Variants in NIPBL observed in about 807,000 individuals in gnomAD.
NIPBL encodes nipped-B-like protein.
In NIPBL, 19 loss-of-function variants were observed where a neutral mutation model predicts 321.8. The observed-to-expected ratio is 0.06, with a 90% CI of 0.04 to 0.09. NIPBL has a LOEUF of 0.09. Among genes scored for constraint, NIPBL ranks in the 10% least tolerant of loss-of-function variants. The pLI, the probability that NIPBL is intolerant of heterozygous loss-of-function variation, is 1.00. For synonymous variants in NIPBL, 1,106 were observed against 1,114.1 expected (o/e 0.99, Z 0.14); for missense variants, 2,210 against 3,327.0 (o/e 0.66, Z 8.26).
At chr5:36,953,829 C>T in intron 2 of NIPBL, 69 bp downstream of exon 2, 1 of 1,310,198 alleles carries the variant, frequency 7.6e-7, no homozygotes, top group African/African-American at 1.4e-5. Flanking sequence ...AGTGACTGTT[C>T]TAAAAATTAT....
chr5:36,900,881 C>T (rs989669565), intron 1 of NIPBL, among the ~76,000 whole-genome samples: 1 of 152,070 alleles, frequency 6.6e-6, no homozygotes, highest in African/African-American at 2.4e-5. Flanking sequence ...TCCATCTTTT[C>T]TTTGATGCCT....
intron 22 of NIPBL, 106 bp from the exon 23 acceptor site, chr5:37,015,932 C>T: frequency 9.3e-7 from 1 of 1,073,776 alleles, no homozygotes; most frequent in Non-Finnish European, 1.4e-6. Context: ...TGTTACTAAA[C>T]ATAGAAAAAA....
intron 1 of NIPBL, among the ~76,000 whole-genome samples, chr5:36,882,264 G>T (rs1745561310): frequency 6.6e-6 from 1 of 151,832 alleles, no homozygotes; most frequent in African/African-American, 2.4e-5. Flanking sequence ...TTAGTTTAGG[G>T]ATTTTTTTTG....
At chr5:37,033,969 A>G (rs1261529490) in intron 32 of NIPBL, among the ~76,000 whole-genome samples, 3 of 151,896 alleles carry the variant, frequency 2.0e-5, no homozygotes, top group Non-Finnish European at 4.4e-5. Flanking sequence ...AAGTCACAAA[A>G]TGGGAAAAGA....
At chr5:37,064,444 G>A in intron 46 of NIPBL, 83 bp from the exon 47 acceptor site, 1 of 1,592,802 alleles carries the variant, frequency 6.3e-7, no homozygotes, top group South Asian at 1.1e-5. Context: ...GGCGTCAAGG[G>A]ATTAAAAGCA....
intron 1 of NIPBL, among the ~76,000 whole-genome samples, chr5:36,914,110 G>A (rs1357022404): frequency 6.6e-6 from 1 of 152,200 alleles, no homozygotes; most frequent in Admixed American, 6.5e-5. Flanking sequence ...TAAAGAGCTA[G>A]AAGGTCTTCT....
At chr5:37,001,140 T>G in intron 14 of NIPBL, 62 bp downstream of exon 14, 3 of 1,093,852 alleles carry the variant, frequency 2.7e-6, no homozygotes, top group Non-Finnish European at 4.2e-6. Context: ...TCCTCTAGAG[T>G]AACTCAGTTA....
chr5:36,911,932 A>G (rs1247887124), intron 1 of NIPBL, among the ~76,000 whole-genome samples: 3 of 152,198 alleles, frequency 2.0e-5, no homozygotes, highest in African/African-American at 7.2e-5. Flanking sequence ...GGGTAATGCA[A>G]AGAGTTTGAC....
At chr5:37,044,100 G>A (rs1366251462) in intron 34 of NIPBL, among the ~76,000 whole-genome samples, 4 of 151,842 alleles carry the variant, frequency 2.6e-5, no homozygotes, top group African/African-American at 9.7e-5. Context: ...TACATTTTAG[G>A]GAAAAAATAT....
chr5:37,027,603 GTT>G (rs781358128), intron 32 of NIPBL, among the ~76,000 whole-genome samples, 191 bp downstream of exon 32: 8 of 69,760 alleles, frequency 1.1e-4, no homozygotes, highest in African/African-American at 5.3e-4. Context: ...CCTGGTTGTG[GTT>G]TTTTTTTTTT....
At chr5:36,994,388 A>G (rs1745892390) in intron 10 of NIPBL, among the ~76,000 whole-genome samples, 1 of 152,162 alleles carries the variant, frequency 6.6e-6, no homozygotes, top group African/African-American at 2.4e-5. Context: ...AAGAATAAAA[A>G]AAGGGTTATT....
intron 28 of NIPBL, 24 bp downstream of exon 28, chr5:37,022,173 C>G (rs1749726538): frequency 1.2e-6 from 2 of 1,613,202 alleles, no homozygotes; most frequent in Non-Finnish European, 1.7e-6. Context: ...ATGATTCTTT[C>G]TTTTCTACTC....
At position 36,876,938 on chromosome 5, in the gene NIPBL, C is replaced by G. The variant is rs1745102934; in HGVS notation, c.-320C>G. The stretch of plus-strand genomic sequence containing the variant: ...TTGGTTCCCGGGCCCGCGGCGATGC[C>G]CCCCCGGTAGCTCGGGCCCGTGGTC... On this transcript the variant is annotated 5_prime_UTR_variant, in exon 1 of 47. Coordinates refer to ENST00000282516, the MANE Select transcript of NIPBL (RefSeq NM_133433.4). 2.6e-6 allele frequency: 1 copy of G among 386,376 alleles called. No homozygotes were observed. Among genetic ancestry groups the G allele is most frequent in the East Asian group, 3.7e-5 (1 of 26,978 alleles). The allele number at this position is 386,376 out of a possible 1,614,324, so 23.9% of individuals were successfully genotyped here.
At chr5:36,973,789 C>T (rs1365893981) in intron 8 of NIPBL, among the ~76,000 whole-genome samples, 1 of 152,068 alleles carries the variant, frequency 6.6e-6, no homozygotes, top group Non-Finnish European at 1.5e-5. Context: ...GTTTTAAGCC[C>T]CGCCTGCATT....
intron 19 of NIPBL, 105 bp downstream of exon 19, chr5:37,008,193 A>T: frequency 1.3e-6 from 1 of 742,292 alleles, no homozygotes; most frequent in Non-Finnish European, 2.4e-6. Context: ...GGTTTTCAGT[A>T]CATTCATTTC....
rs1431725391 is a variant in NIPBL at position 37,064,426 on chromosome 5, C to T, written c.8050-101C>T. The T allele has an allele frequency of 1.8e-5, 29 of 1,570,324 alleles. No individual in the cohort carries two copies. The Admixed American group carries it at 2.5e-4, about 13-fold the overall frequency. ...GCAATGGAAGTGTGCCGGGAAATCC[C>T]AACTCCCGGCGTCAAGGGATTAAAA... On this transcript the variant is annotated intron_variant, in intron 46 of 46. Transcript: ENST00000282516.
At chr5:36,925,565 C>G (rs892297783) in intron 1 of NIPBL, among the ~76,000 whole-genome samples, 1 of 152,268 alleles carries the variant, frequency 6.6e-6, no homozygotes, top group Non-Finnish European at 1.5e-5. Context: ...CGCGCCCAGC[C>G]AGTTCATTAA....
intron 1 of NIPBL, among the ~76,000 whole-genome samples, chr5:36,929,598 A>G (rs533730805): frequency 6.6e-6 from 1 of 152,118 alleles, no homozygotes; most frequent in South Asian, 2.1e-4. Context: ...TTTATGGCTC[A>G]TGTTTTTGTT....
intron 1 of NIPBL, among the ~76,000 whole-genome samples, chr5:36,908,634 T>G (rs960477433): frequency 2.6e-5 from 4 of 152,056 alleles, no homozygotes; most frequent in African/African-American, 7.3e-5. Flanking sequence ...TGGAGAACTT[T>G]AGGCATTAAA....
Sources: allele counts gnomAD v4.1 joint callset (sites outside exome capture counted in the v4.1 genomes callset), GRCh38; gene constraint gnomAD v4.1.1; transcripts MANE v1.5; gene names NCBI Gene and HGNC (gene_info 2026-07-23, HGNC 2026-07-21).